USP38: variants seen among roughly 807,000 people sequenced by gnomAD.
USP38 encodes ubiquitin carboxyl-terminal hydrolase 38.
A neutral mutation model predicts 94.3 loss-of-function variants in USP38; 49 were observed. The observed-to-expected ratio is 0.52, with a 90% CI of 0.41 to 0.66. USP38 has a LOEUF of 0.66. USP38 is among the 30% of genes least tolerant of loss of function. USP38 has a pLI of 0.00. For synonymous variants in USP38, 468 were observed against 463.6 expected, an observed-to-expected ratio of 1.01 and a Z score of -0.12; for missense variants, 1,128 against 1,229.4, an observed-to-expected ratio of 0.92 and a Z score of 1.23.
At position 143,185,570 on chromosome 4, in the gene USP38, C is replaced by G. The variant is rs1181204794; in HGVS notation, c.120C>G (p.Ala40=). ...EHWLDEAQCE[A]MFDLTTRLIL... ...GGCTAGACGAGGCGCAGTGCGAGGC[C>G]ATGTTTGACCTGACGACCCGGCTCA... Residue 40 remains alanine (A), a synonymous_variant, in exon 1 of 10, where the codon GCC becomes GCG. Transcript: ENST00000307017. The G allele has an allele frequency of 1.2e-6, 2 of 1,614,026 alleles. No individual in the cohort carries two copies. Among genetic ancestry groups the G allele is most frequent in the African/African-American group, 2.7e-5 (2 of 74,920 alleles).
rs774021603 is a variant in USP38 at position 143,187,829 on chromosome 4, C to A, written c.686C>A (p.Ala229Glu). Residue 229 changes from alanine (A) to glutamate (E), a missense_variant, in exon 2 of 10, where the codon GCA becomes GAA. Physicochemically the swap from Ala to Glu is moderately radical, Grantham distance 107. Transcript: ENST00000307017. ...TTCTTTTTAATTGAAAAAACAGATG[C>A]ATCATTTGAACCTTCTGTAGCATTG... ...EVFASISSTD[A>E]SFEPSVALAS... is the part of the protein sequence containing the mutation. 5.0e-6 allele frequency: 8 copies of A among 1,606,036 alleles called. No individual in the cohort carries two copies. The Admixed American group carries it at 1.2e-4, about 24-fold the overall frequency.
intron 4 of USP38, among the ~76,000 whole-genome samples, chr4:143,199,551 G>C (rs1039744312): frequency 2.0e-5 from 3 of 152,156 alleles, no homozygotes; most frequent in African/African-American, 7.2e-5. Flanking sequence ...GCTCTTTGAA[G>C]AATCACCATA....
At chr4:143,188,164 T>G (rs555837726) in intron 2 of USP38, among the ~76,000 whole-genome samples, 1 of 152,098 alleles carries the variant, frequency 6.6e-6, no homozygotes, top group Admixed American at 6.5e-5. Flanking sequence ...CAATTCAACT[T>G]TTTTTAATTA....
intron 4 of USP38, among the ~76,000 whole-genome samples, chr4:143,202,225 A>C (rs1415540754): frequency 6.6e-6 from 1 of 152,170 alleles, no homozygotes; most frequent in Non-Finnish European, 1.5e-5. Flanking sequence ...TTTTATGGTC[A>C]CATTAGTACC....
At chr4:143,200,360 C>G (rs1407889614) in intron 4 of USP38, among the ~76,000 whole-genome samples, 2 of 152,124 alleles carry the variant, frequency 1.3e-5, no homozygotes, top group Non-Finnish European at 2.9e-5. Flanking sequence ...TCTCAATAAA[C>G]TAGGTATTAG....
intron 7 of USP38, among the ~76,000 whole-genome samples, chr4:143,210,980 AC>A (rs1052983084): frequency 5.9e-5 from 9 of 152,092 alleles, no homozygotes; most frequent in African/African-American, 1.7e-4. Context: ...CCATATCAAG[AC>A]CAAGGGAAAC....
At position 143,197,833 on chromosome 4, in the gene USP38, G is replaced by A. The variant is rs924332105; in HGVS notation, c.959G>A (p.Arg320Gln). ...TLLKIELVFN[R>Q]LWFPLVRPGA... ...TGTCTTATTTTGAAGGTTTTTAATC[G>A]ACTTTGGTTTCCTCTTGTGAGACCT... is the stretch of plus-strand genomic sequence containing the variant. Residue 320 changes from arginine to glutamine, a missense_variant, in exon 4 of 10, where the codon CGA becomes CAA. Arg to Gln is a conservative substitution (Grantham distance 43). Transcript: ENST00000307017. 10 of 1,611,596 alleles carry A rather than the reference G, an allele frequency of 6.2e-6. No individual in the cohort carries two copies. Among genetic ancestry groups the A allele is most frequent in the Non-Finnish European group, 7.6e-6 (9 of 1,178,970 alleles).
chr4:143,203,195 G>T (rs1402799319), intron 4 of USP38, among the ~76,000 whole-genome samples: 1 of 151,982 alleles, frequency 6.6e-6, no homozygotes, highest in Non-Finnish European at 1.5e-5. Flanking sequence ...TGAGGAGAGG[G>T]GTCATATATG....
At chr4:143,199,708 T>A (rs189352615) in intron 4 of USP38, among the ~76,000 whole-genome samples, 45 of 152,348 alleles carry the variant, frequency 3.0e-4, no homozygotes, top group African/African-American at 1.1e-3. Context: ...CATTGTGGTT[T>A]TGATTTGCAT....
chr4:143,216,281 T>C (rs918645618), intron 9 of USP38, among the ~76,000 whole-genome samples: 5 of 152,146 alleles, frequency 3.3e-5, no homozygotes, highest in Non-Finnish European at 7.4e-5. Context: ...ATTATGTATT[T>C]TGTTAATTCA....
rs1316678041 is a variant in USP38, at chr4:143,213,928, C to T, written c.1952C>T (p.Pro651Leu). The T allele has an allele frequency of 2.5e-6, 4 of 1,613,678 alleles. No individual in the cohort carries two copies. In the East Asian group the frequency reaches 8.9e-5, roughly 36 times the overall value. Residue 651 changes from proline to leucine, a missense_variant, in exon 9 of 10, where the codon CCC becomes CTC. Physicochemically the swap from Pro to Leu is moderately conservative, Grantham distance 98. Coordinates refer to ENST00000307017, the MANE Select transcript of USP38 (RefSeq NM_032557.6). ...QDGGLMQASV[P>L]GPSEEPVVYN... is the part of the protein sequence containing the mutation. ...GGTGGTCTAATGCAAGCCTCTGTACCCGGTCCTTCAGAAGAACCAGTAGTT... is the reference window on the plus strand; with the variant it reads ...GGTGGTCTAATGCAAGCCTCTGTACTCGGTCCTTCAGAAGAACCAGTAGTT...
intron 5 of USP38, 124 bp downstream of exon 5, chr4:143,203,690 T>C (rs1423394937): frequency 9.9e-7 from 1 of 1,009,002 alleles, no homozygotes; most frequent in Non-Finnish European, 1.4e-6. Context: ...AAAATGCAGT[T>C]AGAATCAGGT....
chr4:143,186,190 A>G, intron 1 of USP38, 58 bp downstream of exon 1: 1 of 1,521,950 alleles, frequency 6.6e-7, no homozygotes, highest in Non-Finnish European at 9.0e-7. Context: ...TCTCTCTTGC[A>G]CACACACATT....
chr4:143,185,980 A>G lies in USP38; in HGVS notation c.530A>G (p.His177Arg), dbSNP rs1045353792. ...CAACAGCTGGTTCGAACGATAGGCC[A>G]TTTCCAGTGCGTGTCCACCCAGGAA... ...FCQQLVRTIG[H>R]FQCVSTQERE... The change falls in exon 1 of 10, where the codon CAT (histidine) becomes CGT (arginine). Residue 177 changes from histidine (H) to arginine (R), a missense_variant. Transcript: ENST00000307017. The G allele has an allele frequency of 1.2e-5, 19 of 1,614,130 alleles. No homozygotes were observed. The highest frequency in any genetic ancestry group is 1.7e-5 in the Admixed American group (1 of 60,020).
chr4:143,208,763 T>C (rs1046572877), intron 6 of USP38, among the ~76,000 whole-genome samples: 12 of 151,998 alleles, frequency 7.9e-5, no homozygotes, highest in African/African-American at 2.9e-4. Context: ...TTATTTATAA[T>C]TTTTTAATTT....
At chr4:143,209,133 A>G (rs1373453200) in intron 6 of USP38, among the ~76,000 whole-genome samples, 1 of 152,022 alleles carries the variant, frequency 6.6e-6, no homozygotes, top group Admixed American at 6.6e-5. Context: ...GGCTTAACCT[A>G]TTTGTATTTG....
At chr4:143,198,032 A>C in intron 4 of USP38, 108 bp downstream of exon 4, 1 of 664,854 alleles carries the variant, frequency 1.5e-6, no homozygotes, top group Non-Finnish European at 2.5e-6. Context: ...TTAGTCCCAA[A>C]TCTGTTTTCA....
intron 9 of USP38, among the ~76,000 whole-genome samples, chr4:143,220,052 A>G (rs1335852100): frequency 1.3e-5 from 2 of 152,136 alleles, no homozygotes; most frequent in Non-Finnish European, 2.9e-5. Context: ...TATTGTGATA[A>G]TCTTTGAATT....
intron 2 of USP38, among the ~76,000 whole-genome samples, chr4:143,192,788 A>G (rs1195278736): frequency 2.6e-5 from 4 of 152,112 alleles, no homozygotes; most frequent in Non-Finnish European, 5.9e-5. Context: ...CATTCAGACC[A>G]CAGCACCTTC....
Sources: gnomAD v4.1 joint callset for allele counts (sites outside exome capture counted in the v4.1 genomes callset) on GRCh38, gnomAD v4.1.1 for gene constraint, MANE v1.5 for transcripts, NCBI Gene and HGNC (gene_info 2026-07-23, HGNC 2026-07-21) for gene names.